Variants in U2SURP observed in about 807,000 individuals in gnomAD.
The protein encoded by U2SURP is U2 snRNP-associated SURP motif-containing protein.
Under a neutral mutation model 144.9 loss-of-function variants are expected in U2SURP, and 9 were observed. The ratio of observed to expected loss-of-function variants is 0.06; its 90% confidence interval spans 0.04 to 0.11. U2SURP has a LOEUF of 0.11. Among genes scored for constraint, U2SURP ranks in the 10% least tolerant of loss-of-function variants. The probability of loss-of-function intolerance (pLI) is 1.00; values close to 1 mark genes in which losing one functional copy is unlikely to be tolerated. For synonymous variants in U2SURP, 408 were observed against 396.8 expected, an observed-to-expected ratio of 1.03 and a Z score of -0.33; for missense variants, 724 against 1,226.7, an observed-to-expected ratio of 0.59 and a Z score of 6.12.
chr3:143,046,220 C>CA, intron 24 of U2SURP, among the ~76,000 whole-genome samples: 1 of 143,758 alleles, frequency 7.0e-6, no homozygotes, highest in South Asian at 2.2e-4. Context: ...TGTAAAAACA[C>CA]AAAAATCTTG....
intron 13 of U2SURP, among the ~76,000 whole-genome samples, chr3:143,025,424 C>G (rs1400584432): frequency 6.6e-6 from 1 of 152,102 alleles, no homozygotes; most frequent in African/African-American, 2.4e-5. Context: ...ATGCTAAAGT[C>G]AAGTTGCTTT....
At chr3:143,051,146 C>A in intron 25 of U2SURP, 97 bp downstream of exon 25, 8 of 695,620 alleles carry the variant, frequency 1.2e-5, no homozygotes, top group South Asian at 4.2e-5. Context: ...CAAATTATAT[C>A]CTTTGTATAA....
chr3:143,052,492 A>G (rs1051391660), intron 25 of U2SURP, among the ~76,000 whole-genome samples: 1 of 152,228 alleles, frequency 6.6e-6, no homozygotes, highest in Non-Finnish European at 1.5e-5. Context: ...AAAATACATA[A>G]TATTTGTGTT....
intron 1 of U2SURP, among the ~76,000 whole-genome samples, chr3:143,010,573 A>T (rs141596803): frequency 6.6e-6 from 1 of 152,218 alleles, no homozygotes; most frequent in Non-Finnish European, 1.5e-5. Context: ...TTTGCCTCAT[A>T]TATATCCCAC....
At chr3:143,048,058 G>A (rs1934636243) in intron 24 of U2SURP, among the ~76,000 whole-genome samples, 2 of 152,380 alleles carry the variant, frequency 1.3e-5, no homozygotes, top group Admixed American at 1.3e-4. Context: ...AGGGTCTTCT[G>A]TCTTGTTGGA....
At chr3:143,017,523 T>G (rs535678110) in intron 6 of U2SURP, among the ~76,000 whole-genome samples, 6 of 152,188 alleles carry the variant, frequency 3.9e-5, no homozygotes, top group Non-Finnish European at 7.4e-5. Context: ...TTGCATTGAA[T>G]AGTAAGCCTG....
chr3:143,008,992 G>A (rs1396858278), intron 1 of U2SURP, among the ~76,000 whole-genome samples: 1 of 152,046 alleles, frequency 6.6e-6, no homozygotes, highest in Non-Finnish European at 1.5e-5. Context: ...CACCCGCCTC[G>A]GCCTCCCAAA....
At chr3:143,047,648 G>A (rs1288459196) in intron 24 of U2SURP, among the ~76,000 whole-genome samples, 4 of 49,676 alleles carry the variant, frequency 8.1e-5, no homozygotes, top group African/African-American at 3.3e-4. Flanking sequence ...CCGCCTCCCG[G>A]ACGGGGCGGC....
Position 143,021,337 on chromosome 3 carries a change from TC to T in U2SURP, c.734-12del. On this transcript the variant is annotated splice_polypyrimidine_tract_variant and intron_variant, in intron 8 of 27. Transcript: ENST00000473835. ...ATAAAAACTAATAATTGTCTTCTTT[TC>T]TCCCCTTTAAGTGGACGCGCCTTCA... 6.3e-7 allele frequency: 1 copy of T among 1,585,050 alleles called. No individual in the cohort carries two copies. The highest frequency in any genetic ancestry group is 8.6e-7 in the Non-Finnish European group (1 of 1,163,970).
chr3:143,055,336 C>T (rs1369901726), intron 27 of U2SURP, among the ~76,000 whole-genome samples: 4 of 151,934 alleles, frequency 2.6e-5, no homozygotes, highest in African/African-American at 9.7e-5. Context: ...GAGGACCAGC[C>T]AAGAATTTTA....
chr3:143,046,754 A>G (rs1254050152), intron 24 of U2SURP, among the ~76,000 whole-genome samples: 26 of 124,262 alleles, frequency 2.1e-4, no homozygotes, highest in South Asian at 5.5e-4. Context: ...CGATTTCTCA[A>G]TCTTTTCCCC....
intron 27 of U2SURP, among the ~76,000 whole-genome samples, chr3:143,056,105 C>G (rs1428000273): frequency 6.6e-6 from 1 of 152,114 alleles, no homozygotes; most frequent in Non-Finnish European, 1.5e-5. Flanking sequence ...AAGCGCTCTA[C>G]TGATGATCAT....
At chr3:143,046,419 A>G (rs1288907159) in intron 24 of U2SURP, among the ~76,000 whole-genome samples, 1 of 137,404 alleles carries the variant, frequency 7.3e-6, no homozygotes, top group African/African-American at 2.8e-5. Flanking sequence ...GTCAGCAGAT[A>G]AACAAGTGAA....
At chr3:143,017,321 A>G (rs533234784) in intron 6 of U2SURP, 1 of 169,578 alleles carries the variant, frequency 5.9e-6, no homozygotes, top group African/African-American at 2.4e-5. Flanking sequence ...TATTTAAATT[A>G]TTAGTATGTG....
chr3:143,007,356 C>T (rs897781929), intron 1 of U2SURP, among the ~76,000 whole-genome samples: 4 of 151,278 alleles, frequency 2.6e-5, no homozygotes, highest in African/African-American at 4.9e-5. Flanking sequence ...CTCCTGGCCT[C>T]GAGCAGTCGT....
chr3:143,057,420 C>T lies in U2SURP; in HGVS notation c.*970C>T, dbSNP rs1223664072. 1 of 145,972 alleles carries T rather than the reference C, an allele frequency of 6.9e-6. No individual in the cohort carries two copies. The highest frequency in any genetic ancestry group is 2.2e-4 in the East Asian group (1 of 4,480). The allele number at this position is 145,972 out of a possible 1,614,324, so 9.0% of individuals were successfully genotyped here. A position where few individuals can be genotyped will look rare whatever the true frequency, so the allele number is the denominator to read the frequency against. ...TTGGTCCCCCCCCACTCCCAAGAGACTTGGGTTTAGTTATAGCTTTAAGTA... is the reference window on the plus strand; with the variant it reads ...TTGGTCCCCCCCCACTCCCAAGAGATTTGGGTTTAGTTATAGCTTTAAGTA... On this transcript the variant is annotated 3_prime_UTR_variant, in exon 28 of 28. Transcript: ENST00000473835.
chr3:143,049,109 A>G (rs1000966045), intron 24 of U2SURP, among the ~76,000 whole-genome samples: 1 of 151,140 alleles, frequency 6.6e-6, no homozygotes, highest in African/African-American at 2.4e-5. Context: ...AAAAAAAAAA[A>G]AGATTCAAAA....
At chr3:143,042,563 C>T (rs1160308761) in intron 23 of U2SURP, among the ~76,000 whole-genome samples, 1 of 152,030 alleles carries the variant, frequency 6.6e-6, no homozygotes, top group Non-Finnish European at 1.5e-5. Flanking sequence ...GAACAATGTA[C>T]ACTGTACCCA....
chr3:143,032,836 G>C lies in U2SURP; in HGVS notation c.1663G>C (p.Asp555His). The stretch of plus-strand genomic sequence containing the variant: ...GCGGGGATTAACTCCAAGGAAAAAT[G>C]ATATTGGAGATGCAATGGTTTTCTG... ...ILRGLTPRKN[D>H]IGDAMVFCLN... The change falls in exon 17 of 28, where the codon GAT becomes CAT. Residue 555 changes from aspartate to histidine, a missense_variant. Around this residue, in one of 13 missense-constraint regions of U2SURP, gnomAD observed 66 missense variants for 95.0 expected, o/e 0.69. Coordinates refer to ENST00000473835, the MANE Select transcript of U2SURP (RefSeq NM_001080415.2). The C allele has an allele frequency of 6.2e-7, 1 of 1,613,610 alleles. No homozygotes were observed. Among genetic ancestry groups the C allele is most frequent in the Non-Finnish European group, 8.5e-7 (1 of 1,179,648 alleles).
Sources: gnomAD v4.1 joint callset for allele counts (sites outside exome capture counted in the v4.1 genomes callset) on GRCh38, gnomAD v4.1.1 for gene constraint, gnomAD v4.1.1 regional missense constraint, MANE v1.5 for transcripts, NCBI Gene and HGNC (gene_info 2026-07-23, HGNC 2026-07-21) for gene names.